PTPRD: variants seen among roughly 807,000 people sequenced by gnomAD.
PTPRD encodes receptor-type tyrosine-protein phosphatase delta.
Under a neutral mutation model 214.5 loss-of-function variants are expected in PTPRD, and 34 were observed. That is an observed-to-expected ratio of 0.16 (90% CI 0.12 to 0.21). The LOEUF is 0.21. Among genes scored for constraint, PTPRD ranks in the 10% least tolerant of loss-of-function variants. The probability of loss-of-function intolerance (pLI) is 1.00; values close to 1 mark genes in which losing one functional copy is unlikely to be tolerated. For synonymous variants in PTPRD, 1,128 were observed against 845.7 expected, an observed-to-expected ratio of 1.33 and a Z score of -5.79; for missense variants, 2,545 against 2,398.7, an observed-to-expected ratio of 1.06 and a Z score of -1.27.
Position 8,697,783 on chromosome 9 carries a change from T to C in PTPRD, c.64+35997A>G, listed in dbSNP as rs1158803356. Among the ~76,000 whole-genome samples, 3 of 151,434 alleles carry C rather than the reference T, an allele frequency of 2.0e-5. No individual in the cohort carries two copies. The East Asian group carries it at 5.8e-4, about 29-fold the overall frequency. ...TGCGTGGGTGTGTGTGTGTGTGTGTTTGGGGAGGAGCACACACAATTGTAT... is the reference window on the plus strand; with the variant it reads ...TGCGTGGGTGTGTGTGTGTGTGTGTCTGGGGAGGAGCACACACAATTGTAT... On this transcript the variant is annotated intron_variant, in intron 12 of 45. Coordinates refer to ENST00000381196, the MANE Select transcript of PTPRD (RefSeq NM_002839.4).
chr9:8,790,457 G>A (rs939152474), intron 11 of PTPRD, among the ~76,000 whole-genome samples: 3 of 151,890 alleles, frequency 2.0e-5, no homozygotes, highest in East Asian at 1.9e-4. Flanking sequence ...TCACTCTGTT[G>A]CCCAGGCTGT....
At chr9:9,413,160 T>C (rs943521691) in intron 8 of PTPRD, among the ~76,000 whole-genome samples, 37 of 121,436 alleles carry the variant, frequency 3.0e-4, no homozygotes, top group Non-Finnish European at 5.5e-4. Flanking sequence ...CAGGCCGGAC[T>C]GCGGACTGCA....
chr9:10,261,327 A>G (rs1423985191), intron 3 of PTPRD, among the ~76,000 whole-genome samples: 2 of 151,898 alleles, frequency 1.3e-5, no homozygotes, highest in African/African-American at 4.8e-5. Context: ...TTGAAATAAT[A>G]TATGAGTTAA....
At chr9:9,250,297 AG>A (rs769544034) in intron 9 of PTPRD, among the ~76,000 whole-genome samples, 3 of 152,048 alleles carry the variant, frequency 2.0e-5, no homozygotes, top group Non-Finnish European at 4.4e-5. Context: ...TTCTGACCCC[AG>A]GGCAAAAACA....
At chr9:9,158,172 T>C (rs977846172) in intron 10 of PTPRD, among the ~76,000 whole-genome samples, 1 of 152,184 alleles carries the variant, frequency 6.6e-6, no homozygotes, top group African/African-American at 2.4e-5. Context: ...AGTGCTGCAG[T>C]GAACATACAT....
At chr9:8,764,556 G>A (rs1205657631) in intron 11 of PTPRD, among the ~76,000 whole-genome samples, 1 of 152,044 alleles carries the variant, frequency 6.6e-6, no homozygotes, top group African/African-American at 2.4e-5. Flanking sequence ...CCAGCACTTA[G>A]GAAGGCCAAG....
intron 3 of PTPRD, among the ~76,000 whole-genome samples, chr9:10,202,515 G>T (rs2099430163): frequency 6.6e-6 from 1 of 150,762 alleles, no homozygotes; most frequent in Non-Finnish European, 1.5e-5. Context: ...TTATTTAGCT[G>T]TCATGATTGT....
chr9:10,557,762 G>C (rs938743352), intron 2 of PTPRD, among the ~76,000 whole-genome samples: 1 of 152,170 alleles, frequency 6.6e-6, no homozygotes, highest in African/African-American at 2.4e-5. Context: ...CCTCGGGAAG[G>C]GCTAAGGAGG....
At chr9:8,800,441 T>C (rs549499006) in intron 11 of PTPRD, among the ~76,000 whole-genome samples, 4 of 152,282 alleles carry the variant, frequency 2.6e-5, no homozygotes, top group South Asian at 4.1e-4. Flanking sequence ...CATAAAGACC[T>C]TGCTCATAAA....
chr9:9,205,383 G>A (rs561398981), intron 9 of PTPRD, among the ~76,000 whole-genome samples: 1 of 152,238 alleles, frequency 6.6e-6, no homozygotes, highest in Non-Finnish European at 1.5e-5. Flanking sequence ...TATTCTTGAT[G>A]AGCAGGGAGC....
chr9:10,278,531 C>A (rs974710820), intron 3 of PTPRD, among the ~76,000 whole-genome samples: 1 of 152,104 alleles, frequency 6.6e-6, no homozygotes, highest in South Asian at 2.1e-4. Flanking sequence ...CACTGCAGAA[C>A]AGGAAAGAAA....
intron 39 of PTPRD, among the ~76,000 whole-genome samples, chr9:8,351,853 G>C (rs1199575902): frequency 2.7e-5 from 4 of 150,926 alleles, no homozygotes; most frequent in Admixed American, 2.6e-4. Flanking sequence ...GTCTTCTGAG[G>C]ATAAAGGAAG....
At chr9:8,819,447 G>A (rs899493668) in intron 11 of PTPRD, among the ~76,000 whole-genome samples, 5 of 152,142 alleles carry the variant, frequency 3.3e-5, no homozygotes, top group Non-Finnish European at 7.4e-5. Context: ...CAGATCACCT[G>A]AGGTCAGGAT....
chr9:8,509,178 G>C (rs1202047225), intron 21 of PTPRD, among the ~76,000 whole-genome samples: 2 of 152,076 alleles, frequency 1.3e-5, no homozygotes, highest in African/African-American at 4.8e-5. Context: ...AAAAGATTGA[G>C]AAGCAAGAGG....
At chr9:8,911,231 G>T (rs777653141) in intron 11 of PTPRD, among the ~76,000 whole-genome samples, 1 of 152,156 alleles carries the variant, frequency 6.6e-6, no homozygotes, top group Non-Finnish European at 1.5e-5. Flanking sequence ...ATGTGGTATT[G>T]TCCTGAGAAG....
intron 3 of PTPRD, among the ~76,000 whole-genome samples, chr9:10,139,341 A>C (rs1188674148): frequency 6.6e-6 from 1 of 152,094 alleles, no homozygotes; most frequent in Non-Finnish European, 1.5e-5. Flanking sequence ...AAAACTCTAC[A>C]AGTAGAATTA....
intron 2 of PTPRD, among the ~76,000 whole-genome samples, chr9:10,560,445 T>C (rs1169650106): frequency 6.6e-6 from 1 of 151,922 alleles, no homozygotes; most frequent in East Asian, 1.9e-4. Flanking sequence ...CACTGGGAGA[T>C]ATACCTAATG....
At chr9:9,173,602 C>T (rs997765818) in intron 10 of PTPRD, among the ~76,000 whole-genome samples, 2 of 152,078 alleles carry the variant, frequency 1.3e-5, no homozygotes, top group African/African-American at 2.4e-5. Context: ...CAGCATGCTG[C>T]TGTGTTGAAT....
At chr9:10,390,194 C>T (rs2098028362) in intron 2 of PTPRD, among the ~76,000 whole-genome samples, 2 of 151,816 alleles carry the variant, frequency 1.3e-5, no homozygotes, top group Non-Finnish European at 2.9e-5. Flanking sequence ...TTACTTATCT[C>T]TGTATTATAG....
Sources: allele counts gnomAD v4.1 joint callset (sites outside exome capture counted in the v4.1 genomes callset), GRCh38; gene constraint gnomAD v4.1.1; transcripts MANE v1.5; gene names NCBI Gene and HGNC (gene_info 2026-07-23, HGNC 2026-07-21).